Variants in PCNX2 observed in about 807,000 individuals in gnomAD.
PCNX2 encodes pecanex 2.
A neutral mutation model predicts 223.8 loss-of-function variants in PCNX2; 168 were observed. The ratio of observed to expected loss-of-function variants is 0.75; its 90% confidence interval spans 0.66 to 0.85. PCNX2 has a LOEUF of 0.85. Among genes scored for constraint, PCNX2 ranks in the 40% least tolerant of loss-of-function variants. The pLI is 0.00. For synonymous variants in PCNX2, 1,006 were observed against 1,052.6 expected, an observed-to-expected ratio of 0.96 and a Z score of 0.86; for missense variants, 2,507 against 2,675.5, an observed-to-expected ratio of 0.94 and a Z score of 1.39.
chr1:233,001,324 A>C lies in PCNX2; in HGVS notation c.5097+213T>G, dbSNP rs934431427. On this transcript the variant is annotated intron_variant, in intron 29 of 33. Coordinates refer to ENST00000258229, the MANE Select transcript of PCNX2 (RefSeq NM_014801.4). The surrounding 1 kb of genome is among the most constrained non-coding windows in gnomAD (Gnocchi z 4.2). ...GAGAAACCCCATTTCTACTACAAAT[A>C]CAAAATTAGCTGGGCATGGTGGCAC... 3.9e-5 allele frequency among the ~76,000 whole-genome samples: 6 copies of C among 152,148 alleles called. No homozygotes were observed. The highest frequency in any genetic ancestry group is 1.2e-4 in the African/African-American group (5 of 41,444).
chr1:233,026,213 G>A (rs1422176775), intron 25 of PCNX2, among the ~76,000 whole-genome samples: 3 of 152,170 alleles, frequency 2.0e-5, no homozygotes, highest in Non-Finnish European at 4.4e-5. Context: ...GAAGGAGGTC[G>A]GGGGGAACTC....
At chr1:232,999,720 T>G in intron 30 of PCNX2, 1 of 245,790 alleles carries the variant, frequency 4.1e-6, no homozygotes, top group Non-Finnish European at 7.9e-6. Flanking sequence ...AATCTATTGG[T>G]TTTTAACTAC....
At chr1:233,219,068 A>G (rs1657208412) in intron 10 of PCNX2, among the ~76,000 whole-genome samples, 1 of 152,000 alleles carries the variant, frequency 6.6e-6, no homozygotes, top group African/African-American at 2.4e-5. Flanking sequence ...TGACTCTTGT[A>G]TGGACTCCCC....
rs568142167 is a variant in PCNX2, at chr1:233,139,683, T to C, written c.3659+31A>G. The C allele has an allele frequency of 3.9e-6, 6 of 1,553,766 alleles. No homozygotes were observed. The highest frequency in any genetic ancestry group is 3.6e-5 in the South Asian group (3 of 83,768). ...CTCGATTTTGAAAATGTGACCCAAATCATTATGAAGATAAACCATTAACCA... is the reference window on the plus strand; with the variant it reads ...CTCGATTTTGAAAATGTGACCCAAACCATTATGAAGATAAACCATTAACCA... On this transcript the variant is annotated intron_variant, in intron 20 of 33. Coordinates refer to ENST00000258229, the MANE Select transcript of PCNX2 (RefSeq NM_014801.4). The surrounding 1 kb of genome is among the most constrained non-coding windows in gnomAD (Gnocchi z 4.4).
In PCNX2 at chr1:232,984,473, A is replaced by G. The variant is rs987278320; in HGVS notation, c.6245T>C (p.Leu2082Pro). ...ARAASQATRH[L>P]SEPCEPPDAT... is the part of the protein sequence containing the mutation. ...ATCAGGGGGCTCACATGGCTCGGAG[A>G]GGTGCTTCCAAAGAGAAGAGAGAAA... Residue 2082 changes from leucine to proline, a missense_variant, in exon 34 of 34, where the codon CTC becomes CCC. Around this residue, in one of 3 missense-constraint regions of PCNX2, gnomAD observed 1,372 missense variants for 1,509.4 expected, o/e 0.91. Coordinates refer to ENST00000258229, the MANE Select transcript of PCNX2 (RefSeq NM_014801.4). The G allele has an allele frequency of 3.7e-6, 6 of 1,611,998 alleles. No homozygotes were observed. The African/African-American group carries it at 8.0e-5, about 22-fold the overall frequency.
intron 14 of PCNX2, among the ~76,000 whole-genome samples, chr1:233,199,370 T>C (rs1387442361): frequency 6.6e-6 from 1 of 151,556 alleles, no homozygotes; most frequent in Non-Finnish European, 1.5e-5. Context: ...TTCAATAGAA[T>C]AAATGGGAAG....
At position 233,231,696 on chromosome 1, in the gene PCNX2, A is replaced by G. The variant is rs765358126; in HGVS notation, c.2359-4325T>C. The G allele has an allele frequency of 3.1e-5, 30 of 980,968 alleles. No homozygotes were observed. The Admixed American group carries it at 1.8e-3, about 58-fold the overall frequency. 60.8% of individuals were successfully genotyped at this position (980,968 alleles called of 1,614,324 possible). A position where few individuals can be genotyped will look rare whatever the true frequency, so the allele number is the denominator to read the frequency against. On this transcript the variant is annotated intron_variant, in intron 9 of 33. Transcript: ENST00000258229. ...AGAAGAAAAAGTGGTCCTTTGGGGA[A>G]CTACGTGTAACTCCTAACAGCTATC...
intron 28 of PCNX2, among the ~76,000 whole-genome samples, chr1:233,005,376 G>A (rs192957484): frequency 7.9e-5 from 12 of 152,264 alleles, no homozygotes; most frequent in East Asian, 1.9e-4. Flanking sequence ...GCGTGTGCCC[G>A]GCAGCCGTCA....
chr1:233,067,182 T>C (rs1479848813), intron 23 of PCNX2, among the ~76,000 whole-genome samples: 6 of 149,648 alleles, frequency 4.0e-5, no homozygotes, highest in South Asian at 4.3e-4. Context: ...ATGTCCAGAG[T>C]TGAATAGAAA....
intron 23 of PCNX2, among the ~76,000 whole-genome samples, chr1:233,081,994 T>TTG (rs57675075): frequency 0.15 from 22,086 of 148,272 alleles, 1,607 homozygotes; most frequent in Middle Eastern, 0.25. Context: ...CTGTGTGTGT[T>TTG]TGTGTGTGTG....
intron 1 of PCNX2, among the ~76,000 whole-genome samples, chr1:233,276,419 G>A (rs1447782795): frequency 6.6e-6 from 1 of 152,192 alleles, no homozygotes; most frequent in Non-Finnish European, 1.5e-5. Flanking sequence ...GTACAACAAT[G>A]TGAATGTACT....
intron 23 of PCNX2, among the ~76,000 whole-genome samples, chr1:233,083,038 TGAA>T (rs1236405941): frequency 2.0e-5 from 3 of 152,166 alleles, no homozygotes; most frequent in African/African-American, 7.2e-5. Flanking sequence ...AAGATCAGGA[TGAA>T]GAAGGGTCAG....
At chr1:233,308,352 G>T in the PCNX2 span, among the ~76,000 whole-genome samples, 1 of 152,076 alleles carries the variant, frequency 6.6e-6, no homozygotes, top group Non-Finnish European at 1.5e-5. Context: ...CCAGCTACTT[G>T]GAAGGCTGAG....
chr1:233,053,252 A>G (rs1672071085), intron 25 of PCNX2, among the ~76,000 whole-genome samples: 1 of 151,996 alleles, frequency 6.6e-6, no homozygotes, highest in Non-Finnish European at 1.5e-5. Context: ...TAGTCACTTG[A>G]GTCCTCCCAG....
chr1:233,016,800 CT>C, intron 27 of PCNX2, 120 bp downstream of exon 27: 4 of 1,448,126 alleles, frequency 2.8e-6, no homozygotes, highest in Non-Finnish European at 2.7e-6. Flanking sequence ...CCAAATAGTG[CT>C]TTTTTTCTAT....
chr1:233,192,613 A>G (rs892681517), intron 15 of PCNX2, among the ~76,000 whole-genome samples: 1 of 152,140 alleles, frequency 6.6e-6, no homozygotes, highest in Non-Finnish European at 1.5e-5. Flanking sequence ...GCACATTTAC[A>G]TCAAAAAAAA....
intron 23 of PCNX2, among the ~76,000 whole-genome samples, chr1:233,076,641 G>A (rs6663272): frequency 0.2 from 30,024 of 151,988 alleles, 4,565 homozygotes; most frequent in African/African-American, 0.43. Context: ...ACTGTACTTC[G>A]CTCACTTTAA....
rs1679570022 is a variant in PCNX2 at position 233,177,841 on chromosome 1, T to C, written c.3234A>G (p.Ser1078=). 6.2e-6 allele frequency: 10 copies of C among 1,613,992 alleles called. No individual in the cohort carries two copies. The East Asian group carries it at 2.0e-4, about 32-fold the overall frequency. Residue 1078 remains serine (S), a synonymous_variant, in exon 17 of 34, where the codon TCA becomes TCG. Transcript: ENST00000258229. ...TCTTCTTGGGGAGAGGGTCAGCAGCTGACTCTGCCAGATTTTGATGTAAAA... is the reference window on the plus strand; with the variant it reads ...TCTTCTTGGGGAGAGGGTCAGCAGCCGACTCTGCCAGATTTTGATGTAAAA... ...PKFLHQNLAE[S]AADPLPKKMK... is the part of the protein sequence containing the mutation.
rs571933611 is a variant in PCNX2, at chr1:233,042,126, G to T, written c.4351+12142C>A. Among the ~76,000 whole-genome samples, 11 of 152,314 alleles carry T rather than the reference G, an allele frequency of 7.2e-5. No homozygotes were observed. The East Asian group carries it at 1.7e-3, about 24-fold the overall frequency. Reference sequence around the variant, plus strand: ...AAATCCAAAACACTTCTGGTCCCAAGTATTTCAAATAAAGAATATTCAACT... The same window carrying T: ...AAATCCAAAACACTTCTGGTCCCAATTATTTCAAATAAAGAATATTCAACT... On this transcript the variant is annotated intron_variant, in intron 25 of 33. Transcript: ENST00000258229.
Sources: allele counts gnomAD v4.1 joint callset (sites outside exome capture counted in the v4.1 genomes callset), GRCh38; gene constraint gnomAD v4.1.1; regional missense constraint gnomAD v4.1.1; non-coding constraint Gnocchi (gnomAD v3.1); transcripts MANE v1.5; gene names NCBI Gene and HGNC (gene_info 2026-07-23, HGNC 2026-07-21).